Variants in TBC1D22A observed in about 807,000 individuals in gnomAD.
TBC1D22A encodes the protein TBC1 domain family member 22A, also known as putative GTPase activator.
TBC1D22A carries 38 observed loss-of-function variants against 60.2 expected under a neutral mutation model. The ratio of observed to expected loss-of-function variants is 0.63; its 90% confidence interval spans 0.49 to 0.83. TBC1D22A has a LOEUF of 0.83. Among genes scored for constraint, TBC1D22A ranks in the 40% least tolerant of loss-of-function variants. TBC1D22A has a pLI of 0.00. For synonymous variants in TBC1D22A, 302 were observed against 281.7 expected, an observed-to-expected ratio of 1.07 and a Z score of -0.72; for missense variants, 628 against 701.0, an observed-to-expected ratio of 0.90 and a Z score of 1.18.
rs143808891 is a variant in TBC1D22A at position 46,814,677 on chromosome 22, C to T, written c.637+17057C>T. Among the ~76,000 whole-genome samples the T allele has an allele frequency of 2.6e-5, 4 of 151,688 alleles. No individual in the cohort carries two copies. In the South Asian group the frequency reaches 6.3e-4, roughly 24 times the overall value. On this transcript the variant is annotated intron_variant, in intron 4 of 12. Transcript: ENST00000337137. ...TAATTTTTTTTTTGAGATGGAGTCT[C>T]ACTCTGTTGCCCAGGCTGGAGTGCA...
intron 7 of TBC1D22A, among the ~76,000 whole-genome samples, chr22:46,908,466 T>A (rs1174930444): frequency 1.3e-5 from 2 of 152,172 alleles, no homozygotes; most frequent in Non-Finnish European, 2.9e-5. Context: ...TAAAGGTCAT[T>A]TTTGTTCAAT....
intron 7 of TBC1D22A, among the ~76,000 whole-genome samples, chr22:46,907,262 C>A (rs1347148530): frequency 6.6e-6 from 1 of 152,226 alleles, no homozygotes; most frequent in Non-Finnish European, 1.5e-5. Context: ...TGCAGTCTCC[C>A]TTCACCAAGT....
intron 8 of TBC1D22A, chr22:46,914,752 C>G (rs2070231058): frequency 6.5e-6 from 1 of 153,944 alleles, no homozygotes; most frequent in African/African-American, 2.4e-5. Flanking sequence ...TGGCCCTGTG[C>G]TGTGGGAGTG....
At chr22:47,136,285 C>T (rs939905044) in intron 12 of TBC1D22A, among the ~76,000 whole-genome samples, 3 of 152,206 alleles carry the variant, frequency 2.0e-5, no homozygotes, top group Non-Finnish European at 4.4e-5. Context: ...TCCCCACAGC[C>T]CCTTTGGTGG....
chr22:46,762,961 T>C, intron 1 of TBC1D22A, 113 bp downstream of exon 1: 2 of 966,938 alleles, frequency 2.1e-6, no homozygotes, highest in Non-Finnish European at 2.9e-6. Context: ...ACTTGGACTC[T>C]GAGGAGACTG....
intron 11 of TBC1D22A, among the ~76,000 whole-genome samples, chr22:47,097,879 C>T (rs887729107): frequency 1.3e-5 from 2 of 152,024 alleles, no homozygotes; most frequent in Admixed American, 6.5e-5. Flanking sequence ...GGTTGCCTAC[C>T]TGCCTTTGCC....
chr22:46,800,569 G>A (rs888709523), intron 4 of TBC1D22A, among the ~76,000 whole-genome samples: 6 of 152,172 alleles, frequency 3.9e-5, no homozygotes, highest in Admixed American at 6.5e-5. Flanking sequence ...TACTCGCCAC[G>A]TGACCTTGAG....
chr22:46,989,659 A>G (rs1458096330), intron 9 of TBC1D22A, among the ~76,000 whole-genome samples: 2 of 152,080 alleles, frequency 1.3e-5, no homozygotes, highest in African/African-American at 4.8e-5. Flanking sequence ...CCCTAAAACA[A>G]TTATGATAGT....
intron 5 of TBC1D22A, among the ~76,000 whole-genome samples, chr22:46,879,492 T>C (rs73470821): frequency 0.012 from 1,839 of 152,360 alleles, 29 homozygotes; most frequent in African/African-American, 0.041. Flanking sequence ...GTCTGACTTT[T>C]AGTATTTAAG....
intron 8 of TBC1D22A, among the ~76,000 whole-genome samples, chr22:46,943,024 A>G (rs1490983034): frequency 1.3e-5 from 2 of 152,210 alleles, no homozygotes; most frequent in African/African-American, 4.8e-5. Context: ...CAAACGGGAA[A>G]TGAGCTGGAG....
rs562318351 is a variant in TBC1D22A, at chr22:47,053,993, C to T, written c.1329+16795C>T. 5.9e-4 allele frequency among the ~76,000 whole-genome samples: 90 copies of T among 152,140 alleles called. 1 individual carries two copies. Among genetic ancestry groups the T allele is most frequent in the Middle Eastern group, 6.3e-3 (2 of 316 alleles). On this transcript the variant is annotated intron_variant, in intron 11 of 12. Coordinates refer to ENST00000337137, the MANE Select transcript of TBC1D22A (RefSeq NM_014346.5). The stretch of plus-strand genomic sequence containing the variant: ...GAGGAGGAAACAGGCTGAGAGAGGC[C>T]CTGACTCATCAGTCATCCGGCTTCG...
intron 12 of TBC1D22A, among the ~76,000 whole-genome samples, chr22:47,169,002 T>C (rs531786153): frequency 6.6e-6 from 1 of 150,998 alleles, no homozygotes; most frequent in African/African-American, 2.5e-5. Context: ...CCTCCGGCAT[T>C]GGGAGCCTCA....
intron 11 of TBC1D22A, among the ~76,000 whole-genome samples, chr22:47,061,489 C>T (rs555999319): frequency 2.2e-4 from 33 of 152,242 alleles, no homozygotes; most frequent in African/African-American, 6.5e-4. Flanking sequence ...CCTTGCTACA[C>T]GAGCAGCTCT....
chr22:46,978,855 C>A (rs183294829), intron 9 of TBC1D22A, among the ~76,000 whole-genome samples: 1 of 152,150 alleles, frequency 6.6e-6, no homozygotes, highest in African/African-American at 2.4e-5. Context: ...GTGATCTGCC[C>A]GCCTCAGCCT....
chr22:46,792,552 C>T lies in TBC1D22A; in HGVS notation c.95C>T (p.Pro32Leu), dbSNP rs780242440. The T allele has an allele frequency of 6.8e-6, 11 of 1,614,132 alleles. No individual in the cohort carries two copies. Among genetic ancestry groups the T allele is most frequent in the African/African-American group, 6.7e-5 (5 of 74,942 alleles). ...IQHVYGAQHP[P>L]FDPLLHGTLL... is the part of the protein sequence containing the mutation. The stretch of plus-strand genomic sequence containing the variant: ...CACGTGTATGGTGCCCAGCACCCCC[C>T]CTTTGATCCACTGTTACATGGCACG... Residue 32 changes from proline (P) to leucine (L), a missense_variant, in exon 2 of 13, where the codon CCC becomes CTC. Physicochemically the swap from Pro to Leu is moderately conservative, Grantham distance 98. Coordinates refer to ENST00000337137, the MANE Select transcript of TBC1D22A (RefSeq NM_014346.5).
chr22:46,809,921 C>A (rs1442656082), intron 4 of TBC1D22A, among the ~76,000 whole-genome samples: 2 of 152,180 alleles, frequency 1.3e-5, no homozygotes, highest in Non-Finnish European at 2.9e-5. Context: ...CTCTCCCATG[C>A]TGCTATAATC....
At chr22:46,979,425 C>T (rs944714658) in intron 9 of TBC1D22A, among the ~76,000 whole-genome samples, 2 of 152,210 alleles carry the variant, frequency 1.3e-5, no homozygotes, top group African/African-American at 2.4e-5. Context: ...GTCTGCTAGT[C>T]CTTCTTTCAT....
chr22:47,085,549 A>G (rs781639453), intron 11 of TBC1D22A, among the ~76,000 whole-genome samples: 17 of 152,214 alleles, frequency 1.1e-4, no homozygotes, highest in Admixed American at 2.0e-4. Context: ...AACTTGAGCT[A>G]TAGGCAAAAT....
At chr22:47,143,033 G>A (rs139085465) in intron 12 of TBC1D22A, among the ~76,000 whole-genome samples, 1 of 152,118 alleles carries the variant, frequency 6.6e-6, no homozygotes, top group Non-Finnish European at 1.5e-5. Context: ...CCTTGAAGGT[G>A]ACTGCCTGGT....
Sources: allele counts gnomAD v4.1 joint callset (sites outside exome capture counted in the v4.1 genomes callset), GRCh38; gene constraint gnomAD v4.1.1; transcripts MANE v1.5; gene names NCBI Gene and HGNC (gene_info 2026-07-23, HGNC 2026-07-21).